EMSY: variants seen among roughly 807,000 people sequenced by gnomAD.
EMSY encodes the protein EMSY transcriptional repressor, BRCA2 interacting.
A neutral mutation model predicts 134.6 loss-of-function variants in EMSY; 26 were observed. That is an observed-to-expected ratio of 0.19 (90% CI 0.14 to 0.27). The LOEUF is 0.27. Ranked by LOEUF, EMSY falls within the 10% of genes least tolerant of loss-of-function variation. The pLI is 1.00. For synonymous variants in EMSY, 579 were observed against 577.8 expected (o/e 1.00, Z -0.03); for missense variants, 1,305 against 1,611.4 (o/e 0.81, Z 3.26).
chr11:76,466,163 C>G (rs1948345354), intron 7 of EMSY, among the ~76,000 whole-genome samples: 1 of 152,198 alleles, frequency 6.6e-6, no homozygotes, highest in Non-Finnish European at 1.5e-5. Context: ...TCCCTCATGA[C>G]AGTAAATTCT....
Position 76,507,879 on chromosome 11 carries a change from T to C in EMSY, c.1364-5507T>C, listed in dbSNP as rs199998751. On this transcript the variant is annotated intron_variant, in intron 9 of 20. Transcript: ENST00000334736. Reference sequence around the variant, plus strand: ...TTTTTCTTTTTCTTTTTTTTTTTTTTCTTTTTTTTGAGACATAGTCTGTCA... The same window carrying C: ...TTTTTCTTTTTCTTTTTTTTTTTTTCCTTTTTTTTGAGACATAGTCTGTCA... Among the ~76,000 whole-genome samples the C allele has an allele frequency of 3.7e-3, 411 of 112,256 alleles. 2 individuals are homozygous for C. The highest frequency in any genetic ancestry group is 0.012 in the African/African-American group (384 of 33,036). 73.6% of individuals were successfully genotyped at this position (112,256 alleles called of 152,430 possible).
At chr11:76,474,258 G>C (rs964712751) in intron 8 of EMSY, among the ~76,000 whole-genome samples, 1 of 151,928 alleles carries the variant, frequency 6.6e-6, no homozygotes, top group African/African-American at 2.4e-5. Context: ...TTTAGTGTTC[G>C]TAGGTCTTAA....
intron 9 of EMSY, among the ~76,000 whole-genome samples, chr11:76,504,885 G>C (rs1269475853): frequency 6.6e-6 from 1 of 152,158 alleles, no homozygotes; most frequent in African/African-American, 2.4e-5. Context: ...ATTACATTAA[G>C]TTCAAGAAGC....
intron 11 of EMSY, chr11:76,516,809 A>C (rs1421854246): frequency 6.6e-6 from 1 of 152,186 alleles, no homozygotes; most frequent in Non-Finnish European, 1.5e-5. Context: ...ATGTCACTTT[A>C]GTTTATTAAA....
At chr11:76,506,751 G>A (rs541168149) in intron 9 of EMSY, among the ~76,000 whole-genome samples, 16 of 152,252 alleles carry the variant, frequency 1.1e-4, no homozygotes, top group South Asian at 2.1e-4. Flanking sequence ...GCTGGGACTC[G>A]TACATTACTG....
intron 14 of EMSY, among the ~76,000 whole-genome samples, chr11:76,531,282 G>A (rs1180604449): frequency 6.6e-6 from 1 of 152,240 alleles, no homozygotes; most frequent in East Asian, 1.9e-4. Context: ...AGCTAATAAT[G>A]TTCTTTATGG....
At chr11:76,483,608 A>G (rs1384584304) in intron 8 of EMSY, among the ~76,000 whole-genome samples, 1 of 152,220 alleles carries the variant, frequency 6.6e-6, no homozygotes, top group African/African-American at 2.4e-5. Flanking sequence ...CAATCCTAGT[A>G]TCTGATAAAA....
chr11:76,530,087 T>A (rs2136404834), intron 14 of EMSY, among the ~76,000 whole-genome samples: 1 of 152,212 alleles, frequency 6.6e-6, no homozygotes, highest in Non-Finnish European at 1.5e-5. Flanking sequence ...TTGTTAGTCC[T>A]TTCCTAAGAG....
exon 5 of EMSY, chr11:76,458,256 G>T: frequency 6.2e-7 from 1 of 1,614,096 alleles, no homozygotes. Context: ...GCCCCGGCTC[G>T]TTCCCCAAAC....
intron 8 of EMSY, among the ~76,000 whole-genome samples, chr11:76,492,653 C>T (rs1949469157): frequency 6.6e-6 from 1 of 152,170 alleles, no homozygotes; most frequent in Non-Finnish European, 1.5e-5. Flanking sequence ...CAGGGCTGCC[C>T]ATTCCACAGA....
intron 8 of EMSY, among the ~76,000 whole-genome samples, chr11:76,488,536 T>TG (rs1949286311): frequency 7.4e-6 from 1 of 136,038 alleles, no homozygotes; most frequent in African/African-American, 2.7e-5. Flanking sequence ...TTTTTTTTTG[T>TG]TTTTTTTTTT....
chr11:76,518,240 T>G (rs1950517212), intron 11 of EMSY, among the ~76,000 whole-genome samples: 1 of 148,460 alleles, frequency 6.7e-6, no homozygotes, highest in African/African-American at 2.5e-5. Context: ...CATGATTGGC[T>G]TGTTACAGCG....
rs1319872081 is a variant in EMSY at position 76,539,648 on chromosome 11, G to A, written c.2557+8G>A. On this transcript the variant is annotated splice_region_variant and intron_variant, in intron 17 of 20. Transcript: ENST00000334736. ...TTGCTTTTCCCCTTCTAGGTAAGTG[G>A]TGTGCATCCATTTGTAGTATCACTG... The A allele has an allele frequency of 6.2e-7, 1 of 1,612,914 alleles. No homozygotes were observed. Among genetic ancestry groups the A allele is most frequent in the Admixed American group, 1.7e-5 (1 of 60,016 alleles).
intron 15 of EMSY, 64 bp from the exon 17 acceptor site, chr11:76,537,731 A>G (rs1433741141): frequency 2.8e-6 from 4 of 1,420,150 alleles, no homozygotes; most frequent in Admixed American, 2.0e-5. Flanking sequence ...ATTCCTGTGG[A>G]CAACTCTGGT....
In EMSY at chr11:76,458,373, A is replaced by C; in HGVS notation, c.421+15A>C. On this transcript the variant is annotated intron_variant, in intron 5 of 20. Coordinates refer to ENST00000334736, the Ensembl canonical transcript of EMSY. ...AAGCAAGGAAGGTGAGTAGAAAAAT[A>C]TGCCTGTGTTAGAGATTACTTTTCT... 1 of 1,588,770 alleles carries C rather than the reference A, an allele frequency of 6.3e-7. No homozygotes were observed.
exon 1 of EMSY, chr11:76,445,080 C>G (rs796256227): frequency 1.3e-5 from 2 of 153,054 alleles, no homozygotes; most frequent in East Asian, 3.8e-4. Flanking sequence ...CTGGTGTCCC[C>G]TAGTCTTGGC....
At chr11:76,543,108 G>A (rs181664467) in intron 18 of EMSY, among the ~76,000 whole-genome samples, 1 of 152,302 alleles carries the variant, frequency 6.6e-6, no homozygotes, top group East Asian at 1.9e-4. Flanking sequence ...CCAGGTGGCA[G>A]AGCCAGGATT....
At chr11:76,530,350 G>A (rs1286407657) in intron 14 of EMSY, among the ~76,000 whole-genome samples, 1 of 151,806 alleles carries the variant, frequency 6.6e-6, no homozygotes, top group Non-Finnish European at 1.5e-5. Context: ...TAGTAGCGAC[G>A]GGGTTTCATC....
intron 5 of EMSY, chr11:76,459,698 G>T: frequency 9.3e-6 from 4 of 431,628 alleles, no homozygotes; most frequent in Non-Finnish European, 8.2e-6. Flanking sequence ...GTTTTTCTCC[G>T]TCAGCAATGT....
Sources: gnomAD v4.1 joint callset for allele counts (sites outside exome capture counted in the v4.1 genomes callset) on GRCh38, gnomAD v4.1.1 for gene constraint, MANE v1.5 for transcripts, NCBI Gene and HGNC (gene_info 2026-07-23, HGNC 2026-07-21) for gene names.